DNAI4: variants seen among roughly 807,000 people sequenced by gnomAD.
DNAI4 encodes WD repeat domain 78.
In DNAI4, 85 loss-of-function variants were observed where a neutral mutation model predicts 105.8. That is an observed-to-expected ratio of 0.80 (90% confidence interval 0.67 to 0.96). The LOEUF (loss-of-function observed/expected upper bound fraction) is 0.96, where lower values mean the gene tolerates loss of function less well. Ranked by LOEUF, DNAI4 falls within the 40% of genes least tolerant of loss-of-function variation. The probability of loss-of-function intolerance (pLI) is 0.00; values close to 1 mark genes in which losing one functional copy is unlikely to be tolerated. For missense variants in DNAI4, 1,014 were observed against 1,005.6 expected (o/e 1.01, Z -0.11); for synonymous variants, 352 against 331.5 (o/e 1.06, Z -0.67).
chr1:66,870,712 G>A (rs1032739251), intron 6 of DNAI4: 1 of 116,132 alleles, frequency 8.6e-6, no homozygotes, highest in Non-Finnish European at 1.6e-5. Flanking sequence ...TTGTGCTATT[G>A]CATTCCAGCC....
At chr1:66,919,293 A>C (rs146011537) in intron 1 of DNAI4, among the ~76,000 whole-genome samples, 1 of 152,330 alleles carries the variant, frequency 6.6e-6, no homozygotes, top group East Asian at 1.9e-4. Flanking sequence ...TGACTACTAG[A>C]TAGCTCTAGT....
intron 4 of DNAI4, among the ~76,000 whole-genome samples, chr1:66,876,233 T>C (rs1308685408): frequency 6.6e-6 from 1 of 152,126 alleles, no homozygotes; most frequent in East Asian, 1.9e-4. Context: ...CCAAACTTTT[T>C]GTCAATGAAG....
intron 1 of DNAI4, among the ~76,000 whole-genome samples, chr1:66,917,818 G>T (rs554536332): frequency 6.6e-6 from 1 of 152,366 alleles, no homozygotes; most frequent in South Asian, 2.1e-4. Context: ...TACAATTGGA[G>T]AAATTGGTTA....
chr1:66,879,456 T>C (rs1230561365), intron 4 of DNAI4, among the ~76,000 whole-genome samples: 1 of 152,266 alleles, frequency 6.6e-6, no homozygotes, highest in East Asian at 1.9e-4. Flanking sequence ...TGGTTGCTTC[T>C]AGTCTTCTGC....
Position 66,893,301 on chromosome 1 carries a change from C to T in DNAI4, c.458G>A (p.Gly153Glu). The change falls in exon 3 of 17, where the codon GGA (glycine) becomes GAA (glutamate). Residue 153 changes from glycine (G) to glutamate (E), a missense_variant. Transcript: ENST00000371026. ...KLLTSQEGSLGSEFISSYSLY... is the reference protein window; with the variant it reads ...KLLTSQEGSLESEFISSYSLY... The stretch of plus-strand genomic sequence containing the variant: ...GCTATAGGAAGATATAAATTCTGAT[C>T]CAAGTGATCCTTCTTGTGATGTCAA... The T allele has an allele frequency of 6.2e-7, 1 of 1,610,396 alleles. No homozygotes were observed. The highest frequency in any genetic ancestry group is 8.5e-7 in the Non-Finnish European group (1 of 1,178,228).
At chr1:66,815,284 G>A (rs771683228) in intron 16 of DNAI4, among the ~76,000 whole-genome samples, 16 of 152,076 alleles carry the variant, frequency 1.1e-4, no homozygotes, top group East Asian at 1.9e-4. Flanking sequence ...TCCTTAGACC[G>A]TGTCACATAG....
intron 3 of DNAI4, among the ~76,000 whole-genome samples, chr1:66,892,772 T>TG (rs1035502476): frequency 4.8e-4 from 71 of 148,318 alleles, no homozygotes; most frequent in African/African-American, 1.0e-3. Context: ...CCAGGTGTAG[T>TG]GGGGGGGCGC....
intron 3 of DNAI4, among the ~76,000 whole-genome samples, 173 bp downstream of exon 3, chr1:66,893,056 A>AAG (rs1557965186): frequency 2.3e-5 from 2 of 88,832 alleles, no homozygotes; most frequent in African/African-American, 9.5e-5. Context: ...AGAAAGAAAG[A>AAG]GAGAGAGAGA....
chr1:66,834,011 C>T lies in DNAI4; in HGVS notation c.1871G>A (p.Arg624Gln), dbSNP rs756474180. ...ADGRISKWVI[R>Q]KGLDCYDLMR... Reference sequence around the variant, plus strand: ...TTTACCATAACAGTCTAGTCCTTTTCGTATAACCCATTTGGAGATTCTTCC... The same window carrying T: ...TTTACCATAACAGTCTAGTCCTTTTTGTATAACCCATTTGGAGATTCTTCC... The change falls in exon 12 of 17, where the codon CGA (arginine) becomes CAA (glutamine). Residue 624 changes from arginine (R) to glutamine (Q), a missense_variant. Transcript: ENST00000371026. 25 of 1,602,876 alleles carry T rather than the reference C, an allele frequency of 1.6e-5. No homozygotes were observed. The highest frequency in any genetic ancestry group is 1.7e-4 in the Middle Eastern group (1 of 6,052).
At chr1:66,856,950 C>A (rs1420291940) in intron 7 of DNAI4, among the ~76,000 whole-genome samples, 1 of 151,472 alleles carries the variant, frequency 6.6e-6, no homozygotes, top group African/African-American at 2.4e-5. Context: ...AAACATAAAC[C>A]TAAAGCAAGC....
intron 16 of DNAI4, among the ~76,000 whole-genome samples, chr1:66,821,534 T>A (rs940162690): frequency 6.6e-6 from 1 of 152,202 alleles, no homozygotes; most frequent in Admixed American, 6.5e-5. Flanking sequence ...TATTAAAAAA[T>A]TATTTTTAAA....
intron 16 of DNAI4, 129 bp from the exon 17 acceptor site, chr1:66,814,309 C>G (rs1645467987): frequency 9.1e-6 from 6 of 656,070 alleles, no homozygotes. Context: ...AAAAGGGAAA[C>G]AAGCAAAGGT....
intron 4 of DNAI4, among the ~76,000 whole-genome samples, chr1:66,884,317 A>G (rs1647145596): frequency 6.6e-6 from 1 of 152,174 alleles, no homozygotes; most frequent in Non-Finnish European, 1.5e-5. Flanking sequence ...ATTGATTTCA[A>G]ATCTTTTGGG....
rs181381439 is a variant in DNAI4 at position 66,819,580 on chromosome 1, G to C, written c.2496+2781C>G. On this transcript the variant is annotated intron_variant, in intron 16 of 16. Coordinates refer to ENST00000371026, the MANE Select transcript of DNAI4 (RefSeq NM_024763.5). ...TACTGCGCTAGACACTTACATATAT[G>C]TTTCCAAGGGGCTCATACTAGTAAG... Among the ~76,000 whole-genome samples the C allele has an allele frequency of 2.0e-5, 3 of 152,090 alleles. No individual in the cohort carries two copies. The East Asian group carries it at 5.8e-4, about 29-fold the overall frequency.
intron 7 of DNAI4, among the ~76,000 whole-genome samples, chr1:66,856,180 C>G (rs1646496145): frequency 1.3e-5 from 2 of 150,820 alleles, no homozygotes; most frequent in Non-Finnish European, 3.0e-5. Flanking sequence ...ATCTAAATAA[C>G]ACTTATAGGC....
At chr1:66,893,058 AGAG>A (rs1557965228) in intron 3 of DNAI4, among the ~76,000 whole-genome samples, 168 bp downstream of exon 3, 11 of 100,562 alleles carry the variant, frequency 1.1e-4, no homozygotes, top group South Asian at 2.9e-4. Context: ...AAAGAAAGAG[AGAG>A]AGAGAAAGAA....
intron 7 of DNAI4, chr1:66,848,264 A>G (rs2100531818): frequency 2.2e-6 from 1 of 456,198 alleles, no homozygotes; most frequent in South Asian, 1.5e-5. Flanking sequence ...CATTGATTGC[A>G]TTCCCGCTGA....
chr1:66,870,365 C>G (rs549951233), intron 6 of DNAI4, among the ~76,000 whole-genome samples: 2 of 151,552 alleles, frequency 1.3e-5, no homozygotes, highest in Non-Finnish European at 2.9e-5. Flanking sequence ...TTGCTTGAAC[C>G]CGGGAGGCGG....
Position 66,837,128 on chromosome 1 carries a change from A to G in DNAI4, c.1581+582T>C, listed in dbSNP as rs112748426. On this transcript the variant is annotated intron_variant, in intron 10 of 16. Transcript: ENST00000371026. ...CGCCCGTAATCCCAGCACTTTGGGA[A>G]GCCAAGGCGGCTGGATCATGAGGTC... Among the ~76,000 whole-genome samples the G allele has an allele frequency of 9.5e-4, 145 of 152,218 alleles. 2 individuals are homozygous for G. Among genetic ancestry groups the G allele is most frequent in the African/African-American group, 2.5e-3 (104 of 41,546 alleles).
Sources: gnomAD v4.1 joint callset for allele counts (sites outside exome capture counted in the v4.1 genomes callset) on GRCh38, gnomAD v4.1.1 for gene constraint, MANE v1.5 for transcripts, NCBI Gene and HGNC (gene_info 2026-07-23, HGNC 2026-07-21) for gene names.